The following PDK1 variants were observed in gnomAD, a reference collection of about 807,000 sequenced individuals.
PDK1 encodes the protein pyruvate dehydrogenase kinase 1.
Under a neutral mutation model 54.2 loss-of-function variants are expected in PDK1, and 39 were observed. The ratio of observed to expected loss-of-function variants is 0.72; its 90% confidence interval spans 0.56 to 0.94. The LOEUF is 0.94. PDK1 is among the 40% of genes least tolerant of loss of function. PDK1 has a pLI of 0.00. For missense variants in PDK1, 552 were observed against 566.0 expected (o/e 0.98, Z 0.25); for synonymous variants, 221 against 207.1 (o/e 1.07, Z -0.58).
the PDK1 span, among the ~76,000 whole-genome samples, chr2:172,632,000 A>G: frequency 6.6e-6 from 1 of 152,026 alleles, no homozygotes; most frequent in Non-Finnish European, 1.5e-5. Flanking sequence ...TTGAGGCCGG[A>G]CGTGGTGGCT....
the PDK1 span, among the ~76,000 whole-genome samples, chr2:172,676,481 A>C: frequency 1.1e-4 from 16 of 152,308 alleles, no homozygotes; most frequent in Admixed American, 3.9e-4. Context: ...AGACTTCAAT[A>C]AAGGAGATAA....
At chr2:172,642,803 C>CTCCTCCTCT in the PDK1 span, among the ~76,000 whole-genome samples, 2 of 151,284 alleles carry the variant, frequency 1.3e-5, no homozygotes, top group East Asian at 1.9e-4. Context: ...CCTCCTCCTC[C>CTCCTCCTCT]TCCTCCTTCT....
At chr2:172,649,248 C>T in the PDK1 span, among the ~76,000 whole-genome samples, 1 of 152,194 alleles carries the variant, frequency 6.6e-6, no homozygotes, top group Admixed American at 6.5e-5. Flanking sequence ...CCAGCAAACT[C>T]CAACAGACCT....
At chr2:172,695,925 C>G in the PDK1 span, among the ~76,000 whole-genome samples, 2 of 152,078 alleles carry the variant, frequency 1.3e-5, no homozygotes, top group Non-Finnish European at 2.9e-5. Context: ...GTAATCCCAG[C>G]ACTTTGGGAG....
chr2:172,596,909 A>G lies in PDK1; in HGVS notation c.*940A>G, dbSNP rs1690923764. On this transcript the variant is annotated 3_prime_UTR_variant, in exon 11 of 11. Coordinates refer to ENST00000282077, the MANE Select transcript of PDK1 (RefSeq NM_002610.5). ...GGTTGGGAACCACTCTTTCAAAGTA[A>G]ACAGTGATGACACAGCATTTGCTAA... The G allele has an allele frequency of 6.6e-6, 1 of 152,174 alleles. No individual in the cohort carries two copies. The highest frequency in any genetic ancestry group is 1.5e-5 in the Non-Finnish European group (1 of 68,036). The allele number at this position is 152,174 out of a possible 1,614,324, so 9.4% of individuals were successfully genotyped here.
the PDK1 span, among the ~76,000 whole-genome samples, chr2:172,700,789 G>A: frequency 5.3e-5 from 8 of 152,226 alleles, no homozygotes; most frequent in Non-Finnish European, 1.0e-4. Flanking sequence ...ATCACTCGCG[G>A]TCAGGAGCTG....
chr2:172,617,664 A>G, the PDK1 span, among the ~76,000 whole-genome samples: 1 of 151,410 alleles, frequency 6.6e-6, no homozygotes, highest in Non-Finnish European at 1.5e-5. Context: ...TGACCTAAAC[A>G]CCTCCCATTA....
At chr2:172,679,850 C>T in the PDK1 span, among the ~76,000 whole-genome samples, 1 of 151,656 alleles carries the variant, frequency 6.6e-6, no homozygotes, top group African/African-American at 2.4e-5. Flanking sequence ...CAGGTTAAAT[C>T]TCTAACCTTA....
At chr2:172,665,085 T>A in the PDK1 span, among the ~76,000 whole-genome samples, 1 of 152,172 alleles carries the variant, frequency 6.6e-6, no homozygotes, top group Non-Finnish European at 1.5e-5. Flanking sequence ...TATGTTTCCC[T>A]TTTTTCTTGC....
At chr2:172,703,138 A>G in the PDK1 span, among the ~76,000 whole-genome samples, 1 of 152,184 alleles carries the variant, frequency 6.6e-6, no homozygotes, top group Non-Finnish European at 1.5e-5. Flanking sequence ...GCAGAGGAGA[A>G]GGCAATATGA....
At chr2:172,587,971 T>C (rs1193178939) in intron 9 of PDK1, among the ~76,000 whole-genome samples, 1 of 152,186 alleles carries the variant, frequency 6.6e-6, no homozygotes, top group African/African-American at 2.4e-5. Flanking sequence ...TACGATCCTT[T>C]AGCTAGACAG....
chr2:172,642,102 AT>A, the PDK1 span, among the ~76,000 whole-genome samples: 3 of 152,212 alleles, frequency 2.0e-5, no homozygotes, highest in Non-Finnish European at 4.4e-5. Context: ...TGGAGATTAG[AT>A]TTCCACAAAA....
At chr2:172,710,314 T>C in the PDK1 span, among the ~76,000 whole-genome samples, 1,147 of 152,338 alleles carry the variant, frequency 7.5e-3, 17 homozygotes, top group African/African-American at 0.027. Context: ...TTTCCTACCA[T>C]GAGTTCTGCA....
At chr2:172,638,835 T>A in the PDK1 span, among the ~76,000 whole-genome samples, 1 of 152,200 alleles carries the variant, frequency 6.6e-6, no homozygotes, top group African/African-American at 2.4e-5. Context: ...GGAATTTTAA[T>A]GATTCCACAT....
the PDK1 span, among the ~76,000 whole-genome samples, chr2:172,660,343 G>A: frequency 7.8e-6 from 1 of 127,440 alleles, no homozygotes; most frequent in Non-Finnish European, 1.6e-5. Context: ...TGCAACCTCT[G>A]CCTCCTGGGT....
At position 172,569,822 on chromosome 2, in the gene PDK1, C is replaced by A. The variant is rs1689149485; in HGVS notation, c.847-904C>A. Reference sequence around the variant, plus strand: ...AGAGTGTTGGGATTACAGGCATAAACCACTGCACCTAGCCCTAAAATCTTT... The same window carrying A: ...AGAGTGTTGGGATTACAGGCATAAAACACTGCACCTAGCCCTAAAATCTTT... On this transcript the variant is annotated intron_variant, in intron 7 of 10. Transcript: ENST00000282077. Among the ~76,000 whole-genome samples, 2 of 152,184 alleles carry A rather than the reference C, an allele frequency of 1.3e-5. 1 individual carries two copies. Among genetic ancestry groups the A allele is most frequent in the South Asian group, 4.1e-4 (2 of 4,834 alleles).
the PDK1 span, among the ~76,000 whole-genome samples, chr2:172,641,029 C>G: frequency 7.5e-6 from 1 of 132,454 alleles, no homozygotes; most frequent in Non-Finnish European, 1.6e-5. Context: ...TTTTCTTTTT[C>G]TTTCTCTTTC....
At chr2:172,585,123 A>G (rs1347222642) in intron 8 of PDK1, among the ~76,000 whole-genome samples, 1 of 151,960 alleles carries the variant, frequency 6.6e-6, no homozygotes, top group East Asian at 1.9e-4. Context: ...CAGCCTCCCA[A>G]GTAGCTGGGA....
At chr2:172,614,072 A>G in the PDK1 span, among the ~76,000 whole-genome samples, 3 of 152,198 alleles carry the variant, frequency 2.0e-5, no homozygotes, top group South Asian at 4.1e-4. Flanking sequence ...GCCCCTTCCA[A>G]GTTGATGGGG....
Sources: allele counts gnomAD v4.1 joint callset (sites outside exome capture counted in the v4.1 genomes callset), GRCh38; gene constraint gnomAD v4.1.1; transcripts MANE v1.5; gene names NCBI Gene and HGNC (gene_info 2026-07-23, HGNC 2026-07-21).